FOXI2: variants seen among roughly 807,000 people sequenced by gnomAD.
FOXI2 encodes the protein forkhead box I2.
In FOXI2, 17 loss-of-function variants were observed where a neutral mutation model predicts 14.3. The ratio of observed to expected loss-of-function variants is 1.19; its 90% CI spans 0.81 to 1.78. The LOEUF (loss-of-function observed/expected upper bound fraction) is 1.78. FOXI2 is among the 40% of genes most tolerant of loss of function. The pLI, the probability that FOXI2 is intolerant of heterozygous loss-of-function variation, is 0.00. For missense variants in FOXI2, 541 were observed against 460.0 expected, an observed-to-expected ratio of 1.18 and a Z score of -1.61; for synonymous variants, 240 against 218.8, an observed-to-expected ratio of 1.10 and a Z score of -0.85.
chr10:127,737,330 G>C lies in FOXI2; in HGVS notation c.57G>C (p.Gln19His), dbSNP rs1489866218. The change falls in exon 1 of 2, where the codon CAG (glutamine) becomes CAC (histidine). Residue 19 changes from glutamine to histidine, a missense_variant. Physicochemically the swap from Gln to His is conservative, Grantham distance 24 (BLOSUM62 0). Transcript: ENST00000388920. The part of the protein sequence containing the change: ...GPSSAPPGQA[Q>H]ATAHPPGYEP... Reference sequence around the variant, plus strand: ...CCTCGGCCCCGCCCGGCCAGGCCCAGGCCACCGCGCACCCCCCGGGCTATG... The same window carrying C: ...CCTCGGCCCCGCCCGGCCAGGCCCACGCCACCGCGCACCCCCCGGGCTATG... The C allele has an allele frequency of 6.9e-7, 1 of 1,444,936 alleles. No homozygotes were observed. The highest frequency in any genetic ancestry group is 3.2e-5 in the Admixed American group (1 of 30,858). The allele number at this position is 1,444,936 out of a possible 1,614,324, so 89.5% of individuals were successfully genotyped here. A position where few individuals can be genotyped will look rare whatever the true frequency, so the allele number is the denominator to read the frequency against.
rs1197691503 is a variant in FOXI2, at chr10:127,739,708, CA to C, written c.*744del. 3.9e-5 allele frequency: 6 copies of C among 152,322 alleles called. No homozygotes were observed. Among genetic ancestry groups the C allele is most frequent in the Non-Finnish European group, 7.3e-5 (5 of 68,206 alleles). 9.4% of individuals were successfully genotyped at this position (152,322 alleles called of 1,614,324 possible). A position where few individuals can be genotyped will look rare whatever the true frequency, so the allele number is the denominator to read the frequency against. On this transcript the variant is annotated 3_prime_UTR_variant, in exon 2 of 2. Transcript: ENST00000388920. ...ACAAGGCAACTCCCCAGGGCCCCGC[CA>C]CCACTGACCACAGGAGCGGTGCCCA...
intron 1 of FOXI2, among the ~76,000 whole-genome samples, 158 bp from the exon 2 acceptor site, chr10:127,738,362 C>T (rs1288111411): frequency 6.6e-6 from 1 of 152,086 alleles, no homozygotes; most frequent in African/African-American, 2.4e-5. Flanking sequence ...GGAGGCCCAT[C>T]GGGTACAGAG....
Position 127,737,775 on chromosome 10 carries a change from G to A in FOXI2, c.502G>A (p.Asp168Asn). The change falls in exon 1 of 2, where the codon GAC becomes AAC. Residue 168 changes from aspartate to asparagine, a missense_variant. Coordinates refer to ENST00000388920, the MANE Select transcript of FOXI2 (RefSeq NM_207426.3). ...DCFKKVPRDEDDPGKGNYWTL... is the reference protein window; with the variant it reads ...DCFKKVPRDENDPGKGNYWTL... Reference sequence around the variant, plus strand: ...CTTCAAGAAGGTGCCCCGCGACGAGGACGACCCAGGTAACAGCGGCGCGCC... The same window carrying A: ...CTTCAAGAAGGTGCCCCGCGACGAGAACGACCCAGGTAACAGCGGCGCGCC... 6.2e-7 allele frequency: 1 copy of A among 1,610,636 alleles called. No homozygotes were observed. The highest frequency in any genetic ancestry group is 8.5e-7 in the Non-Finnish European group (1 of 1,178,486).
At position 127,739,893 on chromosome 10, in the gene FOXI2, C is replaced by CACA. The variant is rs1846482703; in HGVS notation, c.*928_*929insACA. ...CCCACACTCACACCCACACCCACAC[C>CACA]CACACTCACACACACTCACACCCAC... On this transcript the variant is annotated 3_prime_UTR_variant, in exon 2 of 2. Coordinates refer to ENST00000388920, the MANE Select transcript of FOXI2 (RefSeq NM_207426.3). The CACA allele has an allele frequency of 1.5e-5, 1 of 67,796 alleles. No individual in the cohort carries two copies. Among genetic ancestry groups the CACA allele is most frequent in the Non-Finnish European group, 2.9e-5 (1 of 34,466 alleles). 4.2% of individuals were successfully genotyped at this position (67,796 alleles called of 1,614,324 possible).
chr10:127,737,293 A>G lies in FOXI2; in HGVS notation c.20A>G (p.Asp7Gly). ...CTGGACATGGCCACCTACTGCGACG[A>G]CCTGGGCCCCTCCTCGGCCCCGCCC... MATYCD[D>G]LGPSSAPPGQ... Residue 7 changes from aspartate (D) to glycine (G), a missense_variant, in exon 1 of 2, where the codon GAC becomes GGC. Physicochemically the swap from Asp to Gly is moderately conservative, Grantham distance 94. Coordinates refer to ENST00000388920, the MANE Select transcript of FOXI2 (RefSeq NM_207426.3). 6.8e-7 allele frequency: 1 copy of G among 1,468,514 alleles called. No individual in the cohort carries two copies. Among genetic ancestry groups the G allele is most frequent in the Admixed American group, 2.6e-5 (1 of 37,762 alleles). 91.0% of individuals were successfully genotyped at this position (1,468,514 alleles called of 1,614,324 possible).
chr10:127,738,242 C>T (rs112818592), intron 1 of FOXI2, among the ~76,000 whole-genome samples: 2,125 of 152,224 alleles, frequency 0.014, 19 homozygotes, highest in African/African-American at 0.03. Flanking sequence ...CTGGCGGAGT[C>T]CCACCATTAG....
Position 127,738,992 on chromosome 10 carries a change from G to A in FOXI2, c.*27G>A. On this transcript the variant is annotated 3_prime_UTR_variant, in exon 2 of 2. Coordinates refer to ENST00000388920, the MANE Select transcript of FOXI2 (RefSeq NM_207426.3). ...GGGAGGCTGGAGGCTAGCCGGGTGC[G>A]GGTCCAGAGGTGCTGAGCTCAGGCC... 3 of 1,577,440 alleles carry A rather than the reference G, an allele frequency of 1.9e-6. No individual in the cohort carries two copies. The highest frequency in any genetic ancestry group is 8.6e-7 in the Non-Finnish European group (1 of 1,166,184).
intron 1 of FOXI2, 124 bp from the exon 2 acceptor site, chr10:127,738,396 G>T: frequency 1.4e-6 from 1 of 701,742 alleles, no homozygotes; most frequent in Non-Finnish European, 2.4e-6. Context: ...TGGAATGGGG[G>T]CGAGGACTCA....
intron 1 of FOXI2, 70 bp from the exon 2 acceptor site, chr10:127,738,447 ACCT>A (rs1426272829): frequency 2.7e-5 from 32 of 1,207,128 alleles, no homozygotes; most frequent in Middle Eastern, 3.9e-4. Flanking sequence ...TCTGAAGCTG[ACCT>A]CCTCGCTGGC....
chr10:127,739,921 CCACACT>C lies in FOXI2; in HGVS notation c.*962_*967del, dbSNP rs1846485754. On this transcript the variant is annotated 3_prime_UTR_variant, in exon 2 of 2. Coordinates refer to ENST00000388920, the MANE Select transcript of FOXI2 (RefSeq NM_207426.3). ...CACTCACACACACTCACACCCACAC[CCACACT>C]CACACCCACACACACTCACACCCAC... The C allele has an allele frequency of 1.7e-4, 1 of 6,014 alleles. No homozygotes were observed. Among genetic ancestry groups the C allele is most frequent in the Non-Finnish European group, 5.8e-4 (1 of 1,726 alleles). 0.4% of individuals were successfully genotyped at this position (6,014 alleles called of 1,614,324 possible).
chr10:127,740,315 G>A lies in FOXI2; in HGVS notation c.*1350G>A, dbSNP rs1846508796. 1 of 152,202 alleles carries A rather than the reference G, an allele frequency of 6.6e-6. No individual in the cohort carries two copies. The highest frequency in any genetic ancestry group is 6.5e-5 in the Admixed American group (1 of 15,286). The allele number at this position is 152,202 out of a possible 1,614,324, so 9.4% of individuals were successfully genotyped here. On this transcript the variant is annotated 3_prime_UTR_variant, in exon 2 of 2. Transcript: ENST00000388920. ...AGCTGTGCGTGTGTTCAGAGCTCCT[G>A]AACAGCAGCCTCCTGTGTAAATTGA...
At chr10:127,737,854 G>A (rs1846438906) in intron 1 of FOXI2, 70 bp downstream of exon 1, 33 of 1,555,546 alleles carry the variant, frequency 2.1e-5, no homozygotes, top group Non-Finnish European at 2.7e-5. Context: ...GGCACTCCGG[G>A]GGTGGGAGCA....
chr10:127,737,860 G>A, intron 1 of FOXI2, 76 bp downstream of exon 1: 4 of 1,547,378 alleles, frequency 2.6e-6, no homozygotes, highest in East Asian at 2.4e-5. Context: ...CCGGGGGTGG[G>A]AGCACCTTAG....
chr10:127,739,130 CT>C lies in FOXI2; in HGVS notation c.*167del. 1.6e-6 allele frequency: 1 copy of C among 636,472 alleles called. No individual in the cohort carries two copies. Among genetic ancestry groups the C allele is most frequent in the Non-Finnish European group, 2.6e-6 (1 of 380,202 alleles). The allele number at this position is 636,472 out of a possible 1,614,324, so 39.4% of individuals were successfully genotyped here. ...CAGCAGGGAGCTGGGCTGAGCGGCTCTTGGGCTTTGGGGTGGGTGGCCCTTC... is the reference window on the plus strand; with the variant it reads ...CAGCAGGGAGCTGGGCTGAGCGGCTCTGGGCTTTGGGGTGGGTGGCCCTTC... On this transcript the variant is annotated 3_prime_UTR_variant, in exon 2 of 2. Transcript: ENST00000388920.
In FOXI2 at chr10:127,738,932, C is replaced by A. The variant is rs775324826; in HGVS notation, c.924C>A (p.His308Gln). ...CGGCCGCCGGCTTCCGCCTCAGTCA[C>A]CTCCTCTACAGCCGGGAAGGGACCG... ...QTAAAGFRLS[H>Q]LLYSREGTEV The change falls in exon 2 of 2, where the codon CAC becomes CAA. Residue 308 changes from histidine (H) to glutamine (Q), a missense_variant. Physicochemically the swap from His to Gln is conservative, Grantham distance 24 (BLOSUM62 0). Coordinates refer to ENST00000388920, the MANE Select transcript of FOXI2 (RefSeq NM_207426.3). The A allele has an allele frequency of 3.1e-6, 5 of 1,601,958 alleles. No individual in the cohort carries two copies. Among genetic ancestry groups the A allele is most frequent in the Non-Finnish European group, 4.2e-6 (5 of 1,179,614 alleles).
Position 127,739,011 on chromosome 10 carries a change from T to C in FOXI2, c.*46T>C. On this transcript the variant is annotated 3_prime_UTR_variant, in exon 2 of 2. Transcript: ENST00000388920. Reference sequence around the variant, plus strand: ...GGGTGCGGGTCCAGAGGTGCTGAGCTCAGGCCTCCGGTTTCCCCTGGTGAC... The same window carrying C: ...GGGTGCGGGTCCAGAGGTGCTGAGCCCAGGCCTCCGGTTTCCCCTGGTGAC... 9.9e-6 allele frequency: 15 copies of C among 1,519,180 alleles called. 1 individual carries two copies. The highest frequency in any genetic ancestry group is 1.3e-5 in the Non-Finnish European group (15 of 1,125,548). 94.1% of individuals were successfully genotyped at this position (1,519,180 alleles called of 1,614,324 possible).
In FOXI2 at chr10:127,737,624, C is replaced by A. The variant is rs1280395997; in HGVS notation, c.351C>A (p.Ser117Arg). 2 of 1,563,974 alleles carry A rather than the reference C, an allele frequency of 1.3e-6. No individual in the cohort carries two copies. Among genetic ancestry groups the A allele is most frequent in the Admixed American group, 1.9e-5 (1 of 52,000 alleles). The stretch of plus-strand genomic sequence containing the variant: ...CGCTCATCGCCATGGCCATCCAGAG[C>A]GCGCCGCTGCGGAAGCTGACGCTCA... Reference protein sequence around the residue: ...YSALIAMAIQSAPLRKLTLSQ... With the variant: ...YSALIAMAIQRAPLRKLTLSQ... Residue 117 changes from serine (S) to arginine (R), a missense_variant, in exon 1 of 2, where the codon AGC becomes AGA. Ser to Arg is a moderately radical substitution (Grantham distance 110). Coordinates refer to ENST00000388920, the MANE Select transcript of FOXI2 (RefSeq NM_207426.3).
intron 1 of FOXI2, 45 bp downstream of exon 1, chr10:127,737,829 T>G (rs1458636093): frequency 1.3e-6 from 2 of 1,575,898 alleles, no homozygotes; most frequent in Non-Finnish European, 1.7e-6. Flanking sequence ...CTCCCCATCT[T>G]CCCGCCGGGC....
At position 127,737,364 on chromosome 10, in the gene FOXI2, G is replaced by A. The variant is rs1400851953; in HGVS notation, c.91G>A (p.Asp31Asn). The change falls in exon 1 of 2, where the codon GAT (aspartate) becomes AAT (asparagine). Residue 31 changes from aspartate to asparagine, a missense_variant. Coordinates refer to ENST00000388920, the MANE Select transcript of FOXI2 (RefSeq NM_207426.3). The stretch of plus-strand genomic sequence containing the variant: ...GCACCCCCCGGGCTATGAGCCAGGG[G>A]ATCTGGGCGCGGTGGGCGGGGGCCC... The part of the protein sequence containing the change: ...TAHPPGYEPG[D>N]LGAVGGGPLL... 3.5e-6 allele frequency: 5 copies of A among 1,409,246 alleles called. No individual in the cohort carries two copies. The highest frequency in any genetic ancestry group is 6.1e-5 in the East Asian group (2 of 32,940). 87.3% of individuals were successfully genotyped at this position (1,409,246 alleles called of 1,614,324 possible).
Sources: gnomAD v4.1 joint callset for allele counts (sites outside exome capture counted in the v4.1 genomes callset) on GRCh38, gnomAD v4.1.1 for gene constraint, MANE v1.5 for transcripts, NCBI Gene and HGNC (gene_info 2026-07-23, HGNC 2026-07-21) for gene names.